SPPL2A: variants seen among roughly 807,000 people sequenced by gnomAD.
SPPL2A encodes the protein signal peptide peptidase like 2A.
SPPL2A carries 51 observed loss-of-function variants against 63.8 expected under a neutral mutation model. The ratio of observed to expected loss-of-function variants is 0.80; its 90% CI spans 0.64 to 1.01. The LOEUF (loss-of-function observed/expected upper bound fraction) is 1.01, where lower values mean the gene tolerates loss of function less well. Among genes scored for constraint, SPPL2A ranks in the 50% least tolerant of loss-of-function variants. SPPL2A has a pLI of 0.00. For synonymous variants in SPPL2A, 188 were observed against 205.8 expected (o/e 0.91, Z 0.74); for missense variants, 553 against 622.7 (o/e 0.89, Z 1.19).
At chr15:50,724,287 TGAA>T (rs752047012) in intron 12 of SPPL2A, among the ~76,000 whole-genome samples, 68 of 151,998 alleles carry the variant, frequency 4.5e-4, no homozygotes, top group African/African-American at 1.6e-3. Context: ...CTAAGAAAAA[TGAA>T]GAAGGAGCCG....
chr15:50,728,786 G>A (rs551232184), intron 10 of SPPL2A, among the ~76,000 whole-genome samples: 15 of 151,776 alleles, frequency 9.9e-5, no homozygotes, highest in African/African-American at 3.4e-4. Context: ...GGGACTACAG[G>A]CGTGCACCAC....
chr15:50,717,386 T>C (rs1265137796), intron 14 of SPPL2A, among the ~76,000 whole-genome samples: 1 of 152,124 alleles, frequency 6.6e-6, no homozygotes, highest in East Asian at 1.9e-4. Context: ...TTGCCCAGGC[T>C]GCTCTCAAAC....
At chr15:50,714,000 C>A (rs1388615985) in intron 14 of SPPL2A, among the ~76,000 whole-genome samples, 1 of 152,118 alleles carries the variant, frequency 6.6e-6, no homozygotes, top group Non-Finnish European at 1.5e-5. Context: ...AAGCAACTTG[C>A]CCAAGGCTAC....
rs1249850916 is a variant in SPPL2A at position 50,748,812 on chromosome 15, G to C, written c.236C>G (p.Pro79Arg). 4 of 1,610,886 alleles carry C rather than the reference G, an allele frequency of 2.5e-6. No individual in the cohort carries two copies. Among genetic ancestry groups the C allele is most frequent in the Admixed American group, 1.7e-5 (1 of 59,236 alleles). ...STPLCNLSDI[P>R]PVGIKSKAVV... is the part of the protein sequence containing the mutation. ...TGCTTTGCTCTTTATGCCAACAGGA[G>C]GAATATCAGAAAGGTTGCATAGTGG... is the stretch of plus-strand genomic sequence containing the variant. The change falls in exon 3 of 15, where the codon CCT becomes CGT. Residue 79 changes from proline to arginine, a missense_variant. Physicochemically the swap from Pro to Arg is moderately radical, Grantham distance 103 (BLOSUM62 -2). Transcript: ENST00000261854.
At chr15:50,718,142 T>C (rs926941534) in intron 14 of SPPL2A, among the ~76,000 whole-genome samples, 1 of 151,490 alleles carries the variant, frequency 6.6e-6, no homozygotes, top group African/African-American at 2.4e-5. Context: ...CCGGCTAATA[T>C]TTTTTTTGTA....
At position 50,744,123 on chromosome 15, in the gene SPPL2A, G is replaced by T. The variant is rs567190469; in HGVS notation, c.584+3372C>A. Among the ~76,000 whole-genome samples the T allele has an allele frequency of 1.1e-4, 17 of 150,776 alleles. No homozygotes were observed. In the South Asian group the frequency reaches 2.9e-3, roughly 26 times the overall value. On this transcript the variant is annotated intron_variant, in intron 5 of 14. Transcript: ENST00000261854. ...GAACCTGGGAGGTGGAGGTTGCAGT[G>T]AGTCAAGATTGCACCACTGCACTGC...
intron 14 of SPPL2A, among the ~76,000 whole-genome samples, chr15:50,715,134 C>T (rs914996699): frequency 2.6e-5 from 4 of 151,962 alleles, no homozygotes; most frequent in Non-Finnish European, 5.9e-5. Context: ...CTGGGGATTA[C>T]AAGTGTGTGC....
chr15:50,712,453 T>C (rs141665542), intron 14 of SPPL2A, among the ~76,000 whole-genome samples: 1,840 of 152,158 alleles, frequency 0.012, 151 homozygotes, highest in Admixed American at 0.11. Flanking sequence ...GCCTAAGAGA[T>C]GAGCCAGAGC....
chr15:50,732,588 T>C lies in SPPL2A; in HGVS notation c.1014+15A>G, dbSNP rs746466529. 3 of 1,465,358 alleles carry C rather than the reference T, an allele frequency of 2.0e-6. No individual in the cohort carries two copies. Among genetic ancestry groups the C allele is most frequent in the African/African-American group, 1.4e-5 (1 of 71,652 alleles). 90.8% of individuals were successfully genotyped at this position (1,465,358 alleles called of 1,614,324 possible). A position where few individuals can be genotyped will look rare whatever the true frequency, so the allele number is the denominator to read the frequency against. The stretch of plus-strand genomic sequence containing the variant: ...AAATTTATTTTAACTAGCAAAGTAG[T>C]ATTGTATACATTACCTTGAAGTTGG... On this transcript the variant is annotated intron_variant, in intron 9 of 14. Coordinates refer to ENST00000261854, the MANE Select transcript of SPPL2A (RefSeq NM_032802.4).
intron 3 of SPPL2A, 99 bp from the exon 4 acceptor site, chr15:50,748,301 TATA>T (rs2062875583): frequency 2.0e-6 from 1 of 511,192 alleles, no homozygotes; most frequent in South Asian, 3.4e-5. Flanking sequence ...TTCTTTAAGT[TATA>T]AGACAAAATT....
intron 14 of SPPL2A, among the ~76,000 whole-genome samples, chr15:50,709,751 C>G (rs1306868724): frequency 6.6e-6 from 1 of 151,850 alleles, no homozygotes; most frequent in Non-Finnish European, 1.5e-5. Context: ...GATCGCGCCA[C>G]TGCACTTCAG....
chr15:50,757,380 C>T (rs1206082225), intron 1 of SPPL2A, among the ~76,000 whole-genome samples: 2 of 152,092 alleles, frequency 1.3e-5, no homozygotes, highest in Non-Finnish European at 2.9e-5. Flanking sequence ...CCACGCCCGG[C>T]CCTAAATCCT....
chr15:50,747,278 T>A (rs1186768447), intron 5 of SPPL2A, among the ~76,000 whole-genome samples: 2 of 152,206 alleles, frequency 1.3e-5, no homozygotes, highest in Non-Finnish European at 2.9e-5. Flanking sequence ...TGATGTGATG[T>A]CAATGTTCCT....
chr15:50,739,318 A>G (rs1430521806), intron 6 of SPPL2A, among the ~76,000 whole-genome samples: 4 of 151,808 alleles, frequency 2.6e-5, no homozygotes, highest in Non-Finnish European at 5.9e-5. Flanking sequence ...AGTTGGGATT[A>G]CAGGCACGTG....
At chr15:50,741,416 G>C (rs2062819150) in intron 5 of SPPL2A, among the ~76,000 whole-genome samples, 1 of 151,144 alleles carries the variant, frequency 6.6e-6, no homozygotes, top group Non-Finnish European at 1.5e-5. Flanking sequence ...AGTTGATGGA[G>C]ACATGCTAGC....
At position 50,705,607 on chromosome 15, in the gene SPPL2A, T is replaced by C. The variant is rs1037958718; in HGVS notation, c.*2193A>G. The C allele has an allele frequency of 5.3e-5, 8 of 152,148 alleles. No homozygotes were observed. 9.4% of individuals were successfully genotyped at this position (152,148 alleles called of 1,614,324 possible). ...TGGAAAATATTCAAACTTGATACAA[T>C]GGAGGCAAAATTAACTCTTGTCAGG... On this transcript the variant is annotated 3_prime_UTR_variant, in exon 15 of 15. Transcript: ENST00000261854.
rs138704826 is a variant in SPPL2A at position 50,717,497 on chromosome 15, T to C, written c.1488+2443A>G. 2.0e-3 allele frequency among the ~76,000 whole-genome samples: 301 copies of C among 152,288 alleles called. 2 individuals are homozygous for C. Among genetic ancestry groups the C allele is most frequent in the African/African-American group, 7.0e-3 (292 of 41,576 alleles). On this transcript the variant is annotated intron_variant, in intron 14 of 14. Coordinates refer to ENST00000261854, the MANE Select transcript of SPPL2A (RefSeq NM_032802.4). ...CTTCTATCACTTCTTATTGCAATAA[T>C]TGTCCCCAGTTTTGCTCCCTTAATT... is the stretch of plus-strand genomic sequence containing the variant.
chr15:50,742,512 T>C (rs1385463158), intron 5 of SPPL2A, among the ~76,000 whole-genome samples: 4 of 152,204 alleles, frequency 2.6e-5, no homozygotes, highest in African/African-American at 9.6e-5. Flanking sequence ...TGAGGTCCTG[T>C]TCTGGCACAT....
intron 1 of SPPL2A, among the ~76,000 whole-genome samples, chr15:50,750,767 A>G (rs940252844): frequency 1.1e-4 from 16 of 152,348 alleles, no homozygotes; most frequent in African/African-American, 3.6e-4. Flanking sequence ...TTAAGAGTTC[A>G]CATCACAATT....
Sources: allele counts gnomAD v4.1 joint callset (sites outside exome capture counted in the v4.1 genomes callset), GRCh38; gene constraint gnomAD v4.1.1; transcripts MANE v1.5; gene names NCBI Gene and HGNC (gene_info 2026-07-23, HGNC 2026-07-21).